The following ERBB4 variants were observed in gnomAD, a reference collection of about 807,000 sequenced individuals.
ERBB4 encodes the protein erb-b2 receptor tyrosine kinase 4.
Under a neutral mutation model 158.0 loss-of-function variants are expected in ERBB4, and 42 were observed. That is an observed-to-expected ratio of 0.27 (90% CI 0.21 to 0.34). ERBB4 has a LOEUF of 0.34. ERBB4 is among the 10% of genes least tolerant of loss of function. ERBB4 has a pLI of 1.00. For missense variants in ERBB4, 1,333 were observed against 1,624.1 expected (o/e 0.82, Z 3.08); for synonymous variants, 583 against 558.7 (o/e 1.04, Z -0.61).
intron 13 of ERBB4, among the ~76,000 whole-genome samples, chr2:211,676,571 C>T (rs114860824): frequency 6.7e-6 from 1 of 148,624 alleles, no homozygotes; most frequent in African/African-American, 2.4e-5. Flanking sequence ...GGGAAAAAAA[C>T]AAACAAACAA....
intron 1 of ERBB4, among the ~76,000 whole-genome samples, chr2:212,537,131 G>A (rs1004168684): frequency 2.4e-5 from 3 of 127,128 alleles, no homozygotes; most frequent in Admixed American, 7.1e-5. Context: ...CTAGGCAAAG[G>A]AGGCGGCGGC....
intron 3 of ERBB4, among the ~76,000 whole-genome samples, chr2:211,822,427 T>G (rs767247216): frequency 3.2e-4 from 48 of 152,144 alleles, no homozygotes; most frequent in Admixed American, 5.9e-4. Flanking sequence ...ACGTGTCAAT[T>G]TAACTTTTTT....
intron 2 of ERBB4, among the ~76,000 whole-genome samples, chr2:212,116,004 C>T (rs563148413): frequency 6.6e-6 from 1 of 151,968 alleles, no homozygotes; most frequent in East Asian, 1.9e-4. Flanking sequence ...CAATTAGGGG[C>T]TAAAAAAACT....
chr2:212,080,438 G>A (rs897990457), intron 2 of ERBB4, among the ~76,000 whole-genome samples: 1 of 151,380 alleles, frequency 6.6e-6, no homozygotes, highest in Admixed American at 6.6e-5. Context: ...AATCTTTAAG[G>A]CTAAGGTATA....
chr2:212,418,133 T>C (rs1190173426), intron 1 of ERBB4, among the ~76,000 whole-genome samples: 2 of 151,944 alleles, frequency 1.3e-5, no homozygotes, highest in African/African-American at 4.8e-5. Context: ...ATAACTGTAT[T>C]GTTAGCCATT....
chr2:212,099,022 T>C (rs1247035350), intron 2 of ERBB4, among the ~76,000 whole-genome samples: 1 of 152,052 alleles, frequency 6.6e-6, no homozygotes, highest in Non-Finnish European at 1.5e-5. Context: ...GGCTCATGCC[T>C]GTAATACCAG....
intron 9 of ERBB4, 72 bp from the exon 10 acceptor site, chr2:211,705,463 A>G (rs1190018384): frequency 1.0e-6 from 1 of 990,550 alleles, no homozygotes; most frequent in East Asian, 2.4e-5. Flanking sequence ...AAATGTGACA[A>G]TATTTTATTC....
At chr2:211,641,024 CA>C (rs2070564869) in intron 16 of ERBB4, among the ~76,000 whole-genome samples, 1 of 152,026 alleles carries the variant, frequency 6.6e-6, no homozygotes, top group Non-Finnish European at 1.5e-5. Flanking sequence ...AAAGGGTATC[CA>C]AAATCTATAT....
At chr2:212,059,895 G>C (rs2077707063) in intron 2 of ERBB4, among the ~76,000 whole-genome samples, 1 of 152,158 alleles carries the variant, frequency 6.6e-6, no homozygotes, top group Non-Finnish European at 1.5e-5. Flanking sequence ...AGCACTTCAT[G>C]TCTAAAACAC....
At position 212,511,745 on chromosome 2, in the gene ERBB4, A is replaced by G. The variant is rs192865936; in HGVS notation, c.82+26704T>C. Among the ~76,000 whole-genome samples, 590 of 152,296 alleles carry G rather than the reference A, an allele frequency of 3.9e-3. 6 individuals carry two copies. The highest frequency in any genetic ancestry group is 0.013 in the African/African-American group (560 of 41,558). On this transcript the variant is annotated intron_variant, in intron 1 of 27. Transcript: ENST00000342788. ...GCCAAGGTATTGTAATTGAACATTTAGGGCTTGTATTAAGTAAAATAATTT... is the reference window on the plus strand; with the variant it reads ...GCCAAGGTATTGTAATTGAACATTTGGGGCTTGTATTAAGTAAAATAATTT...
chr2:211,399,208 C>T (rs1445987301), intron 25 of ERBB4, among the ~76,000 whole-genome samples: 1 of 152,166 alleles, frequency 6.6e-6, no homozygotes, highest in African/African-American at 2.4e-5. Context: ...CAACTGTATT[C>T]TGTTTATTTC....
chr2:211,856,581 G>T (rs527426968), intron 3 of ERBB4, among the ~76,000 whole-genome samples: 1 of 151,872 alleles, frequency 6.6e-6, no homozygotes, highest in East Asian at 1.9e-4. Flanking sequence ...TAGAGACGGG[G>T]TTTCACCGTG....
At chr2:212,475,610 T>C (rs1689348075) in intron 1 of ERBB4, among the ~76,000 whole-genome samples, 1 of 152,070 alleles carries the variant, frequency 6.6e-6, no homozygotes, top group Non-Finnish European at 1.5e-5. Context: ...TACTCATGAA[T>C]CTCTTTCATT....
At chr2:211,918,613 A>G (rs979735517) in intron 3 of ERBB4, among the ~76,000 whole-genome samples, 3 of 152,158 alleles carry the variant, frequency 2.0e-5, no homozygotes, top group African/African-American at 7.2e-5. Flanking sequence ...TATTCTCCAT[A>G]TACTTCCTAT....
At position 211,612,807 on chromosome 2, in the gene ERBB4, C is replaced by T. The variant is rs141118997; in HGVS notation, c.2301+6370G>A. The stretch of plus-strand genomic sequence containing the variant: ...AAGTTGAGGGCTGAGATTAAGATGA[C>T]GACAAAAGAGTATAAAAAGAAGAGG... On this transcript the variant is annotated intron_variant, in intron 19 of 27. Transcript: ENST00000342788. Among the ~76,000 whole-genome samples, 388 of 151,960 alleles carry T rather than the reference C, an allele frequency of 2.6e-3. 8 individuals carry two copies. The East Asian group carries it at 0.04, about 16-fold the overall frequency.
chr2:212,135,577 A>T (rs1172512828), intron 1 of ERBB4, among the ~76,000 whole-genome samples: 1 of 152,188 alleles, frequency 6.6e-6, no homozygotes, highest in African/African-American at 2.4e-5. Context: ...TAGGAAAAAC[A>T]GAAAGGCTTT....
chr2:212,090,967 T>TA (rs1175157198), intron 2 of ERBB4, among the ~76,000 whole-genome samples: 20 of 152,208 alleles, frequency 1.3e-4, no homozygotes, highest in African/African-American at 4.8e-4. Context: ...TTATCTATCT[T>TA]ACGTTGTGTT....
intron 15 of ERBB4, chr2:211,658,030 A>G (rs2071284050): frequency 6.7e-7 from 1 of 1,496,962 alleles, no homozygotes. Context: ...ATACAAGGGG[A>G]AAAAATTAGT....
rs191292943 is a variant in ERBB4 at position 212,008,816 on chromosome 2, A to C, written c.235-61200T>G. Among the ~76,000 whole-genome samples, 144 of 152,268 alleles carry C rather than the reference A, an allele frequency of 9.5e-4. 1 individual carries two copies. Among genetic ancestry groups the C allele is most frequent in the African/African-American group, 3.3e-3 (138 of 41,582 alleles). ...AAGAGAAAATAAGGAAATTGACAGC[A>C]TTCAGAGAACTATATTTGTTCCTAA... On this transcript the variant is annotated intron_variant, in intron 2 of 27. Transcript: ENST00000342788.
Sources: gnomAD v4.1 joint callset for allele counts (sites outside exome capture counted in the v4.1 genomes callset) on GRCh38, gnomAD v4.1.1 for gene constraint, MANE v1.5 for transcripts, NCBI Gene and HGNC (gene_info 2026-07-23, HGNC 2026-07-21) for gene names.